The following CACNA1D variants were observed in gnomAD, a reference collection of about 807,000 sequenced individuals.
The protein encoded by CACNA1D is calcium voltage-gated channel subunit alpha1 D, also known as voltage-dependent L-type calcium channel subunit alpha-1D.
A neutral mutation model predicts 257.1 loss-of-function variants in CACNA1D; 55 were observed. The observed-to-expected ratio is 0.21, with a 90% confidence interval of 0.17 to 0.27. The LOEUF is 0.27. CACNA1D is among the 10% of genes least tolerant of loss of function. CACNA1D has a pLI of 1.00. For synonymous variants in CACNA1D, 980 were observed against 1,014.9 expected (o/e 0.97, Z 0.65); for missense variants, 1,876 against 2,784.0 (o/e 0.67, Z 7.34).
At chr3:53,537,643 T>C (rs1047219098) in intron 3 of CACNA1D, among the ~76,000 whole-genome samples, 1 of 152,204 alleles carries the variant, frequency 6.6e-6, no homozygotes, top group African/African-American at 2.4e-5. Flanking sequence ...AATGTCATAG[T>C]TTATTTTACT....
chr3:53,718,601 C>CCCCCCCCCCCAG, intron 10 of CACNA1D: 1 of 1,103,202 alleles, frequency 9.1e-7, no homozygotes. Flanking sequence ...CCCCCCGGCC[C>CCCCCCCCCCCAG]AGCATTTCAC....
chr3:53,725,460 G>T (rs983678364), intron 14 of CACNA1D, among the ~76,000 whole-genome samples: 7 of 152,216 alleles, frequency 4.6e-5, no homozygotes, highest in Admixed American at 2.0e-4. Flanking sequence ...TAGATCTGTG[G>T]GATAAACTCC....
At chr3:53,605,546 A>T (rs1305247703) in intron 3 of CACNA1D, among the ~76,000 whole-genome samples, 1 of 152,240 alleles carries the variant, frequency 6.6e-6, no homozygotes, top group Non-Finnish European at 1.5e-5. Context: ...TGCCTTCAGA[A>T]GCCAGATAGG....
At chr3:53,557,471 G>A (rs1328245153) in intron 3 of CACNA1D, among the ~76,000 whole-genome samples, 1 of 151,986 alleles carries the variant, frequency 6.6e-6, no homozygotes, top group Non-Finnish European at 1.5e-5. Context: ...TCCAGCCTGG[G>A]CGACAAGAGC....
At chr3:53,704,675 C>T (rs550728572) in intron 9 of CACNA1D, among the ~76,000 whole-genome samples, 7 of 152,312 alleles carry the variant, frequency 4.6e-5, no homozygotes, top group African/African-American at 1.7e-4. Flanking sequence ...GCTCTTTTCC[C>T]CTTCACTTGC....
At chr3:53,715,213 C>T (rs1409076266) in intron 9 of CACNA1D, among the ~76,000 whole-genome samples, 7 of 152,178 alleles carry the variant, frequency 4.6e-5, no homozygotes, top group African/African-American at 1.2e-4. Flanking sequence ...CAATTTCTAG[C>T]GTAGGCACTG....
chr3:53,623,197 C>G (rs559753826), intron 3 of CACNA1D, among the ~76,000 whole-genome samples: 2 of 152,170 alleles, frequency 1.3e-5, no homozygotes, highest in African/African-American at 4.8e-5. Flanking sequence ...CGAAAGAAGC[C>G]TTAAAAGAGA....
chr3:53,780,048 C>T lies in CACNA1D; in HGVS notation c.4610C>T (p.Pro1537Leu), dbSNP rs1393450732. The change falls in exon 38 of 48, where the codon CCT becomes CTT. Residue 1537 changes from proline to leucine, a missense_variant. Around this residue, in one of 10 missense-constraint regions of CACNA1D, gnomAD observed 83 missense variants for 210.7 expected, o/e 0.39. Coordinates refer to ENST00000350061, the MANE Select transcript of CACNA1D (RefSeq NM_001128840.3). Reference sequence around the variant, plus strand: ...CAGAGATTAGTTGCCATGAACATGCCTCTCAACAGTGACGGGACAGTCATG... The same window carrying T: ...CAGAGATTAGTTGCCATGAACATGCTTCTCAACAGTGACGGGACAGTCATG... Reference protein sequence around the residue: ...ACKRLVAMNMPLNSDGTVMFN... With the variant: ...ACKRLVAMNMLLNSDGTVMFN... The T allele has an allele frequency of 6.2e-7, 1 of 1,613,708 alleles. No individual in the cohort carries two copies. Among genetic ancestry groups the T allele is most frequent in the African/African-American group, 1.3e-5 (1 of 74,938 alleles).
intron 3 of CACNA1D, among the ~76,000 whole-genome samples, chr3:53,616,882 T>G (rs1437437157): frequency 6.6e-6 from 1 of 151,882 alleles, no homozygotes; most frequent in Non-Finnish European, 1.5e-5. Flanking sequence ...TGGAGGCAGG[T>G]GCAGGACACT....
chr3:53,496,207 CTG>C (rs1419743061), intron 1 of CACNA1D, among the ~76,000 whole-genome samples: 1 of 152,228 alleles, frequency 6.6e-6, no homozygotes. Context: ...AGTGAGGAGA[CTG>C]TGGCGGAAGG....
intron 8 of CACNA1D, among the ~76,000 whole-genome samples, chr3:53,676,791 T>C (rs2094381329): frequency 6.6e-6 from 1 of 152,240 alleles, no homozygotes; most frequent in South Asian, 2.1e-4. Context: ...TTTGGTTTTA[T>C]AACAGTCTTT....
chr3:53,543,556 A>G (rs1298758414), intron 3 of CACNA1D, among the ~76,000 whole-genome samples: 1 of 152,258 alleles, frequency 6.6e-6, no homozygotes, highest in African/African-American at 2.4e-5. Context: ...AGCTGAGACA[A>G]ACATGAAGAA....
At chr3:53,700,504 G>A (rs6445597) in intron 8 of CACNA1D, among the ~76,000 whole-genome samples, 53,901 of 152,016 alleles carry the variant, frequency 0.35, 9,787 homozygotes, top group African/African-American at 0.45. Flanking sequence ...GAATCATTTG[G>A]TGAATTTACC....
intron 3 of CACNA1D, among the ~76,000 whole-genome samples, chr3:53,537,517 T>TA (rs1419859471): frequency 6.6e-6 from 1 of 151,582 alleles, no homozygotes; most frequent in Non-Finnish European, 1.5e-5. Flanking sequence ...TAATAACTTT[T>TA]AAAAAACATA....
chr3:53,504,715 G>C (rs1227357256), intron 3 of CACNA1D, among the ~76,000 whole-genome samples: 4 of 152,036 alleles, frequency 2.6e-5, no homozygotes, highest in African/African-American at 4.8e-5. Flanking sequence ...GCACAGAGGA[G>C]GGGAATGCCT....
intron 27 of CACNA1D, among the ~76,000 whole-genome samples, chr3:53,750,866 T>C (rs190026034): frequency 1.3e-5 from 2 of 152,246 alleles, no homozygotes; most frequent in Admixed American, 1.3e-4. Context: ...CTGAGGGCTC[T>C]TGGGGCTAGA....
chr3:53,508,810 A>G (rs1247462785), intron 3 of CACNA1D, among the ~76,000 whole-genome samples: 11 of 152,244 alleles, frequency 7.2e-5, no homozygotes, highest in Admixed American at 7.2e-4. Context: ...ACGCCCCAAC[A>G]GACCCCAACA....
At chr3:53,700,231 A>G (rs2094610486) in intron 8 of CACNA1D, among the ~76,000 whole-genome samples, 1 of 151,846 alleles carries the variant, frequency 6.6e-6, no homozygotes, top group African/African-American at 2.4e-5. Flanking sequence ...CATATATGAT[A>G]TGGACCCAAA....
chr3:53,572,078 A>G (rs2092954582), intron 3 of CACNA1D, among the ~76,000 whole-genome samples: 1 of 152,132 alleles, frequency 6.6e-6, no homozygotes, highest in Non-Finnish European at 1.5e-5. Context: ...CTCTCTTTAC[A>G]TGCTGTTAAT....
Sources: gnomAD v4.1 joint callset for allele counts (sites outside exome capture counted in the v4.1 genomes callset) on GRCh38, gnomAD v4.1.1 for gene constraint, gnomAD v4.1.1 regional missense constraint, MANE v1.5 for transcripts, NCBI Gene and HGNC (gene_info 2026-07-23, HGNC 2026-07-21) for gene names.